MYO3B: variants seen among roughly 807,000 people sequenced by gnomAD.
The protein encoded by MYO3B is myosin IIIB.
MYO3B carries 156 observed loss-of-function variants against 174.6 expected under a neutral mutation model. That is an observed-to-expected ratio of 0.89 (90% CI 0.78 to 1.02). The LOEUF is 1.02. Ranked by LOEUF, MYO3B falls within the 50% of genes least tolerant of loss-of-function variation. The pLI is 0.00. For missense variants in MYO3B, 1,632 were observed against 1,639.4 expected, an observed-to-expected ratio of 1.00 and a Z score of 0.08; for synonymous variants, 563 against 569.1, an observed-to-expected ratio of 0.99 and a Z score of 0.15.
At chr2:170,253,861 T>C (rs576845409) in intron 7 of MYO3B, among the ~76,000 whole-genome samples, 53 of 125,700 alleles carry the variant, frequency 4.2e-4, no homozygotes, top group Non-Finnish European at 7.7e-4. Context: ...AGAAAACTGG[T>C]GATGCTGTGA....
chr2:170,645,677 A>C (rs1396567871), intron 32 of MYO3B, among the ~76,000 whole-genome samples: 1 of 152,108 alleles, frequency 6.6e-6, no homozygotes. Context: ...TACTTTCTTC[A>C]TATATGCAAA....
At chr2:170,633,855 T>G (rs2105399116) in intron 32 of MYO3B, among the ~76,000 whole-genome samples, 1 of 152,280 alleles carries the variant, frequency 6.6e-6, no homozygotes, top group Admixed American at 6.5e-5. Flanking sequence ...ATGAGTGAAC[T>G]CCCATTCACA....
At chr2:170,351,827 A>G (rs933507448) in intron 8 of MYO3B, among the ~76,000 whole-genome samples, 6 of 152,210 alleles carry the variant, frequency 3.9e-5, no homozygotes, top group African/African-American at 1.4e-4. Flanking sequence ...GTAGATAACT[A>G]CTAACTGTAA....
chr2:170,622,320 T>A (rs1695992161), intron 32 of MYO3B, among the ~76,000 whole-genome samples: 1 of 152,210 alleles, frequency 6.6e-6, no homozygotes, highest in African/African-American at 2.4e-5. Flanking sequence ...TAAAATATCC[T>A]CAATTAGTGC....
intron 8 of MYO3B, chr2:170,349,741 T>C (rs2094046686): frequency 7.1e-6 from 1 of 140,244 alleles, no homozygotes. Flanking sequence ...GATGTTGCAG[T>C]GAGCTGAGAT....
chr2:170,465,979 T>C (rs1309357458), intron 24 of MYO3B, among the ~76,000 whole-genome samples: 1 of 152,152 alleles, frequency 6.6e-6, no homozygotes, highest in African/African-American at 2.4e-5. Context: ...GCTTGGTGTA[T>C]GTTAGTTGAT....
chr2:170,450,119 T>C (rs1683504756), intron 23 of MYO3B, among the ~76,000 whole-genome samples: 1 of 152,212 alleles, frequency 6.6e-6, no homozygotes, highest in African/African-American at 2.4e-5. Flanking sequence ...AGGCTTAATA[T>C]ACATTAAATT....
At position 170,401,435 on chromosome 2, in the gene MYO3B, A is replaced by C. The variant is rs7568041; in HGVS notation, c.1919-46A>C. 1.9e-6 allele frequency: 3 copies of C among 1,550,646 alleles called. No individual in the cohort carries two copies. The South Asian group carries it at 3.4e-5, about 17-fold the overall frequency. ...AATAAATGCTGAACAGACTGACTGAATGAAGGTCTGGCTACATTCTGTGTT... is the reference window on the plus strand; with the variant it reads ...AATAAATGCTGAACAGACTGACTGACTGAAGGTCTGGCTACATTCTGTGTT... On this transcript the variant is annotated intron_variant, in intron 17 of 34. Transcript: ENST00000408978.
At chr2:170,489,634 GGTGTGTGTGTGTGTGTGT>G (rs369174830) in intron 25 of MYO3B, among the ~76,000 whole-genome samples, 32 of 139,322 alleles carry the variant, frequency 2.3e-4, no homozygotes, top group African/African-American at 9.0e-4. Flanking sequence ...AACCAGTAGG[GGTGTGTGTGTGTGTGTGT>G]GTGTGTGTGT....
chr2:170,271,975 A>G (rs1053725212), intron 7 of MYO3B, among the ~76,000 whole-genome samples: 1 of 152,008 alleles, frequency 6.6e-6, no homozygotes, highest in African/African-American at 2.4e-5. Context: ...TATCTAGTAA[A>G]CTTGCAGATG....
intron 22 of MYO3B, among the ~76,000 whole-genome samples, chr2:170,425,863 G>A (rs190382455): frequency 2.1e-4 from 32 of 152,192 alleles, no homozygotes; most frequent in Non-Finnish European, 7.4e-5. Context: ...TTGAATACTC[G>A]GCCTCAGTTT....
intron 7 of MYO3B, among the ~76,000 whole-genome samples, chr2:170,246,271 G>A (rs1374195421): frequency 6.6e-6 from 1 of 152,142 alleles, no homozygotes; most frequent in Non-Finnish European, 1.5e-5. Flanking sequence ...GATATCAATG[G>A]AAGTGTGTTG....
intron 8 of MYO3B, among the ~76,000 whole-genome samples, chr2:170,337,008 C>G (rs138530359): frequency 6.6e-6 from 1 of 151,292 alleles, no homozygotes; most frequent in Non-Finnish European, 1.5e-5. Flanking sequence ...TATCTCGTTG[C>G]CCCTTTAGCC....
chr2:170,569,576 A>G (rs1483009167), intron 32 of MYO3B, among the ~76,000 whole-genome samples: 1 of 149,160 alleles, frequency 6.7e-6, no homozygotes, highest in African/African-American at 2.5e-5. Flanking sequence ...GGAAACCGAG[A>G]GTTGGCTGGG....
At position 170,391,611 on chromosome 2, in the gene MYO3B, C is replaced by A; in HGVS notation, c.1669C>A (p.Pro557Thr). The A allele has an allele frequency of 1.9e-6, 3 of 1,570,032 alleles. No homozygotes were observed. Among genetic ancestry groups the A allele is most frequent in the Non-Finnish European group, 2.6e-6 (3 of 1,154,744 alleles). ...LSDFRLPEEK[P>T]PRYIADETGR... is the part of the protein sequence containing the mutation. ...TGATTTCAGACTTCCTGAGGAAAAA[C>A]CTCCTAGGTAAGTGTCAGGGGGGTT... The change falls in exon 15 of 35, where the codon CCT becomes ACT. Residue 557 changes from proline (P) to threonine (T), a missense_variant. Pro to Thr is a conservative substitution (Grantham distance 38). Coordinates refer to ENST00000408978, the MANE Select transcript of MYO3B (RefSeq NM_138995.5).
rs182929860 is a variant in MYO3B, at chr2:170,619,440, G to A, written c.3734-32188G>A. ...TATTCCGTAGCAATAGTTTCAGGGG[G>A]TCTCCCTGCAGCTTAGCTGGGTGCT... On this transcript the variant is annotated intron_variant, in intron 32 of 34. Coordinates refer to ENST00000408978, the MANE Select transcript of MYO3B (RefSeq NM_138995.5). 6.6e-5 allele frequency among the ~76,000 whole-genome samples: 10 copies of A among 152,222 alleles called. No individual in the cohort carries two copies. In the East Asian group the frequency reaches 1.5e-3, roughly 23 times the overall value.
At chr2:170,335,751 A>G (rs1014182161) in intron 8 of MYO3B, among the ~76,000 whole-genome samples, 1 of 152,134 alleles carries the variant, frequency 6.6e-6, no homozygotes, top group Non-Finnish European at 1.5e-5. Flanking sequence ...GAGAGATGAA[A>G]CATCTAAAAA....
chr2:170,629,421 GA>G (rs1696749478), intron 32 of MYO3B, among the ~76,000 whole-genome samples: 1 of 152,184 alleles, frequency 6.6e-6, no homozygotes, highest in Non-Finnish European at 1.5e-5. Flanking sequence ...GAAGCTTCAT[GA>G]GGGTGATTTT....
chr2:170,513,398 T>G (rs1688101958), intron 28 of MYO3B, among the ~76,000 whole-genome samples: 1 of 152,220 alleles, frequency 6.6e-6, no homozygotes, highest in Non-Finnish European at 1.5e-5. Context: ...TCCTTGGCCT[T>G]CCTTGGTTTG....
Sources: allele counts gnomAD v4.1 joint callset (sites outside exome capture counted in the v4.1 genomes callset), GRCh38; gene constraint gnomAD v4.1.1; transcripts MANE v1.5; gene names NCBI Gene and HGNC (gene_info 2026-07-23, HGNC 2026-07-21).